The following ESS2 variants were observed in gnomAD, a reference collection of about 807,000 sequenced individuals.
The protein encoded by ESS2 is splicing factor ESS-2 homolog.
A neutral mutation model predicts 52.0 loss-of-function variants in ESS2; 31 were observed. That is an observed-to-expected ratio of 0.60 (90% CI 0.45 to 0.81). The LOEUF is 0.81. Among genes scored for constraint, ESS2 ranks in the 30% least tolerant of loss-of-function variants. The probability of loss-of-function intolerance (pLI) is 0.00; values close to 1 mark genes in which losing one functional copy is unlikely to be tolerated. For synonymous variants in ESS2, 285 were observed against 259.2 expected (o/e 1.10, Z -0.95); for missense variants, 602 against 637.2 (o/e 0.94, Z 0.59).
At position 19,134,104 on chromosome 22, in the gene ESS2, C is replaced by A; in HGVS notation, c.*92G>T. 1 of 1,371,504 alleles carries A rather than the reference C, an allele frequency of 7.3e-7. No homozygotes were observed. The highest frequency in any genetic ancestry group is 9.4e-7 in the Non-Finnish European group (1 of 1,058,738). 85.0% of individuals were successfully genotyped at this position (1,371,504 alleles called of 1,614,324 possible). On this transcript the variant is annotated 3_prime_UTR_variant, in exon 10 of 10. Coordinates refer to ENST00000252137, the MANE Select transcript of ESS2 (RefSeq NM_022719.3). ...TATGGTCAACAGCTTCTGGCCCAGG[C>A]CTGGGCCCCGAGAAGGCTGGAGTCC...
Position 19,134,943 on chromosome 22 carries a change from C to A in ESS2, c.1151+117G>T, listed in dbSNP as rs534467842. Reference sequence around the variant, plus strand: ...CCACAGTACCCACTGCAGAACCCCGCGGACCTGCCCTGGACTCTGCCGCGT... The same window carrying A: ...CCACAGTACCCACTGCAGAACCCCGAGGACCTGCCCTGGACTCTGCCGCGT... On this transcript the variant is annotated intron_variant, in intron 9 of 9. Coordinates refer to ENST00000252137, the MANE Select transcript of ESS2 (RefSeq NM_022719.3). 9.7e-6 allele frequency: 9 copies of A among 924,828 alleles called. No individual in the cohort carries two copies. In the South Asian group the frequency reaches 1.2e-4, roughly 13 times the overall value. The allele number at this position is 924,828 out of a possible 1,614,324, so 57.3% of individuals were successfully genotyped here.
intron 8 of ESS2, 86 bp from the exon 9 acceptor site, chr22:19,135,261 G>A: frequency 1.9e-6 from 2 of 1,074,848 alleles, no homozygotes; most frequent in Non-Finnish European, 2.7e-6. Context: ...TGTGGTGGGT[G>A]CCAGCCTCTC....
chr22:19,142,014 T>A (rs807755), intron 3 of ESS2, among the ~76,000 whole-genome samples: 152,343 of 152,356 alleles, frequency 1, 76,165 homozygotes, highest in Non-Finnish European at 1. Context: ...AAAATGAAAT[T>A]AAATAAAATA....
chr22:19,144,247 T>G (rs2083745456), intron 1 of ESS2: 2 of 1,266,808 alleles, frequency 1.6e-6, no homozygotes, highest in South Asian at 4.5e-5. Flanking sequence ...TACTCACACT[T>G]TAACAGAAAA....
Position 19,131,295 on chromosome 22 carries a change from G to A in ESS2, c.*2901C>T. 2 of 1,016,282 alleles carry A rather than the reference G, an allele frequency of 2.0e-6. No homozygotes were observed. The highest frequency in any genetic ancestry group is 2.9e-6 in the Non-Finnish European group (2 of 682,308). The allele number at this position is 1,016,282 out of a possible 1,614,324, so 63.0% of individuals were successfully genotyped here. On this transcript the variant is annotated 3_prime_UTR_variant, in exon 10 of 10. Coordinates refer to ENST00000252137, the MANE Select transcript of ESS2 (RefSeq NM_022719.3). The surrounding 1 kb of genome is among the most constrained non-coding windows in gnomAD (Gnocchi z 5.7). ...CACCCCTGAGTCGAAGCCCAGCCCA[G>A]GGCAGCCCAGCCAGACGCCTCCGGT...
At position 19,134,209 on chromosome 22, in the gene ESS2, G is replaced by A. The variant is rs61737477; in HGVS notation, c.1418C>T (p.Ser473Leu). The A allele has an allele frequency of 4.6e-6, 7 of 1,515,238 alleles. No individual in the cohort carries two copies. The highest frequency in any genetic ancestry group is 1.9e-4 in the Middle Eastern group (1 of 5,372). 93.9% of individuals were successfully genotyped at this position (1,515,238 alleles called of 1,614,324 possible). ...CCAGGCCTGGCTCTAAAAGAAGTCCGAAGCTTTGCGCCGGGCAGGGAGCTG... is the reference window on the plus strand; with the variant it reads ...CCAGGCCTGGCTCTAAAAGAAGTCCAAAGCTTTGCGCCGGGCAGGGAGCTG... Reference protein sequence around the residue: ...LLQLPARRKASDFF With the variant: ...LLQLPARRKALDFF The change falls in exon 10 of 10, where the codon TCG becomes TTG. Residue 473 changes from serine to leucine, a missense_variant. Physicochemically the swap from Ser to Leu is moderately radical, Grantham distance 145 (BLOSUM62 -2). Coordinates refer to ENST00000252137, the MANE Select transcript of ESS2 (RefSeq NM_022719.3).
At chr22:19,138,472 G>A in intron 6 of ESS2, 155 bp from the exon 7 acceptor site, 1 of 782,868 alleles carries the variant, frequency 1.3e-6, no homozygotes, top group Non-Finnish European at 2.2e-6. Flanking sequence ...GAAAGAGAGG[G>A]AGGGCCCCTG....
intron 7 of ESS2, chr22:19,137,918 C>T: frequency 1.0e-6 from 1 of 985,380 alleles, no homozygotes; most frequent in Non-Finnish European, 1.2e-6. Flanking sequence ...GACTTAGACT[C>T]ATAAGCACTG....
At position 19,131,135 on chromosome 22, in the gene ESS2, G is replaced by C; in HGVS notation, c.*3061C>G. 2.3e-6 allele frequency: 1 copy of C among 439,968 alleles called. No homozygotes were observed. The highest frequency in any genetic ancestry group is 3.5e-5 in the South Asian group (1 of 28,200). The allele number at this position is 439,968 out of a possible 1,614,324, so 27.3% of individuals were successfully genotyped here. ...CAGGCTTCCTTCCAGCGGGCGGGGA[G>C]TGGGTGCTCCTGCCAGACCAGCCTG... On this transcript the variant is annotated 3_prime_UTR_variant, in exon 10 of 10. Transcript: ENST00000252137. This position sits in a 1 kb window ranked among gnomAD's most constrained non-coding sequence, Gnocchi z 5.7.
intron 8 of ESS2, among the ~76,000 whole-genome samples, chr22:19,135,452 A>G (rs1009314042): frequency 1.3e-5 from 2 of 152,212 alleles, no homozygotes; most frequent in African/African-American, 2.4e-5. Flanking sequence ...TTCCCTGATT[A>G]TCAGAGTGAA....
Position 19,135,049 on chromosome 22 carries a change from C to T in ESS2, c.1151+11G>A, listed in dbSNP as rs201353670. 132 of 1,608,704 alleles carry T rather than the reference C, an allele frequency of 8.2e-5. No homozygotes were observed. In the East Asian group the frequency reaches 2.3e-3, roughly 29 times the overall value. ...CCCTCGCACTTCCCCACCAGCCAGG[C>T]GGCCCCTCACCTGGCCAGATTCTCC... On this transcript the variant is annotated intron_variant, in intron 9 of 9. Coordinates refer to ENST00000252137, the MANE Select transcript of ESS2 (RefSeq NM_022719.3).
At chr22:19,139,342 A>T (rs1278201692) in intron 5 of ESS2, 50 bp from the exon 6 acceptor site, 2 of 1,529,942 alleles carry the variant, frequency 1.3e-6, no homozygotes, top group African/African-American at 2.8e-5. Context: ...GCAGCAGCCT[A>T]AGGAGCATGA....
chr22:19,139,750 GTGA>G (rs2083650947), intron 4 of ESS2, 21 bp from the exon 5 acceptor site: 1 of 1,614,100 alleles, frequency 6.2e-7, no homozygotes, highest in Non-Finnish European at 8.5e-7. Context: ...ATGGGGAAAA[GTGA>G]TGGTCAGAGA....
chr22:19,132,079 T>A lies in ESS2; in HGVS notation c.*2117A>T. Reference sequence around the variant, plus strand: ...TCCGACATCAGGAAGATGCTGCGTATCCAGAAGGAGCACCGTGTGGACTTC... The same window carrying A: ...TCCGACATCAGGAAGATGCTGCGTAACCAGAAGGAGCACCGTGTGGACTTC... On this transcript the variant is annotated 3_prime_UTR_variant, in exon 10 of 10. Transcript: ENST00000252137. This position sits in a 1 kb window ranked among gnomAD's most constrained non-coding sequence, Gnocchi z 4.2. 1.2e-6 allele frequency: 2 copies of A among 1,613,768 alleles called. No homozygotes were observed. The highest frequency in any genetic ancestry group is 1.7e-6 in the Non-Finnish European group (2 of 1,179,810).
chr22:19,134,353 G>A lies in ESS2; in HGVS notation c.1274C>T (p.Ser425Phe). The A allele has an allele frequency of 6.2e-7, 1 of 1,612,300 alleles. No homozygotes were observed. Among genetic ancestry groups the A allele is most frequent in the Middle Eastern group, 1.7e-4 (1 of 6,042 alleles). Reference sequence around the variant, plus strand: ...ACTGGCCGGGGTCTTGAGGTGGGTGGAGCGTGCTGGGGATGGTGTGTAGCT... The same window carrying A: ...ACTGGCCGGGGTCTTGAGGTGGGTGAAGCGTGCTGGGGATGGTGTGTAGCT... ...RASYTPSPAR[S>F]THLKTPASGL... Residue 425 changes from serine to phenylalanine, a missense_variant, in exon 10 of 10, where the codon TCC (serine) becomes TTC (phenylalanine). Ser to Phe is a radical substitution (Grantham distance 155). Coordinates refer to ENST00000252137, the MANE Select transcript of ESS2 (RefSeq NM_022719.3).
Position 19,139,684 on chromosome 22 carries a change from T to C in ESS2, c.616A>G (p.Ile206Val). The C allele has an allele frequency of 6.2e-7, 1 of 1,614,216 alleles. No individual in the cohort carries two copies. The highest frequency in any genetic ancestry group is 8.5e-7 in the Non-Finnish European group (1 of 1,180,020). The change falls in exon 5 of 10, where the codon ATC becomes GTC. Residue 206 changes from isoleucine to valine, a missense_variant. Coordinates refer to ENST00000252137, the MANE Select transcript of ESS2 (RefSeq NM_022719.3). ...TCCACACTGGCCTGGCTGCTCTCGA[T>C]GGCCTGGTGCTCTGCTGACGGGAGT... ...LELPSAEHQA[I>V]ESSQASVETW...
At position 19,131,676 on chromosome 22, in the gene ESS2, G is replaced by C; in HGVS notation, c.*2520C>G. Reference sequence around the variant, plus strand: ...ACGGATCTACATCATCATGGAGCTTGGCGTCCAGGGCGACCTCCTCGAGTT... The same window carrying C: ...ACGGATCTACATCATCATGGAGCTTCGCGTCCAGGGCGACCTCCTCGAGTT... On this transcript the variant is annotated 3_prime_UTR_variant, in exon 10 of 10. Transcript: ENST00000252137. This position sits in a 1 kb window ranked among gnomAD's most constrained non-coding sequence, Gnocchi z 5.7. 1 of 1,614,068 alleles carries C rather than the reference G, an allele frequency of 6.2e-7. No homozygotes were observed. The highest frequency in any genetic ancestry group is 8.5e-7 in the Non-Finnish European group (1 of 1,180,018).
rs2083503957 is a variant in ESS2, at chr22:19,131,345, T to C, written c.*2851A>G. The C allele has an allele frequency of 6.8e-7, 1 of 1,481,246 alleles. No individual in the cohort carries two copies. The highest frequency in any genetic ancestry group is 2.0e-5 in the Admixed American group (1 of 50,670). The allele number at this position is 1,481,246 out of a possible 1,614,324, so 91.8% of individuals were successfully genotyped here. ...TAGTGTAAATGAGGACAATGCCTGC[T>C]GGCCCACATGACGGGGGGATGTAGA... On this transcript the variant is annotated 3_prime_UTR_variant, in exon 10 of 10. Coordinates refer to ENST00000252137, the MANE Select transcript of ESS2 (RefSeq NM_022719.3). This position sits in a 1 kb window ranked among gnomAD's most constrained non-coding sequence, Gnocchi z 5.7.
chr22:19,130,681 T>C lies in ESS2; in HGVS notation c.*3515A>G, dbSNP rs1231416311. 1 of 229,214 alleles carries C rather than the reference T, an allele frequency of 4.4e-6. No individual in the cohort carries two copies. 14.2% of individuals were successfully genotyped at this position (229,214 alleles called of 1,614,324 possible). On this transcript the variant is annotated 3_prime_UTR_variant, in exon 10 of 10. Coordinates refer to ENST00000252137, the MANE Select transcript of ESS2 (RefSeq NM_022719.3). ...CCGAGATGGGTCCTGGCACTAGGAA[T>C]GTAAAACCGTTCCTATTATTTTGGC...
Sources: gnomAD v4.1 joint callset for allele counts (sites outside exome capture counted in the v4.1 genomes callset) on GRCh38, gnomAD v4.1.1 for gene constraint, Gnocchi (gnomAD v3.1) non-coding constraint, MANE v1.5 for transcripts, NCBI Gene and HGNC (gene_info 2026-07-23, HGNC 2026-07-21) for gene names.